RNF213: variants seen among roughly 807,000 people sequenced by gnomAD.
RNF213 encodes the protein ring finger protein 213, also known as E3 ubiquitin-protein ligase RNF213.
Under a neutral mutation model 514.4 loss-of-function variants are expected in RNF213, and 341 were observed. The observed-to-expected ratio is 0.66, with a 90% CI of 0.61 to 0.73. RNF213 has a LOEUF of 0.73. Ranked by LOEUF, RNF213 falls within the 30% of genes least tolerant of loss-of-function variation. The pLI is 0.00. For missense variants in RNF213, 5,767 were observed against 6,615.6 expected (o/e 0.87, Z 4.45); for synonymous variants, 2,655 against 2,658.2 (o/e 1.00, Z 0.04).
chr17:80,350,038 T>C (rs2078449793), intron 30 of RNF213, 132 bp downstream of exon 30: 4 of 1,059,068 alleles, frequency 3.8e-6, no homozygotes. Context: ...CCTTGTTAAA[T>C]CTCTCCCAGC....
Position 80,327,950 on chromosome 17 carries a change from A to G in RNF213, c.3328A>G (p.Ile1110Val). ...TILVGQLELI[I>V]KHKNQFLDIW... ...TTTAGTTGGACAACTGGAGCTGATT[A>G]TAAAGCACAAGAATCAGTTTCTTGA... Residue 1110 changes from isoleucine to valine, a missense_variant, in exon 19 of 68, where the codon ATA becomes GTA. Transcript: ENST00000582970. 2.0e-6 allele frequency: 3 copies of G among 1,537,294 alleles called. No homozygotes were observed. The highest frequency in any genetic ancestry group is 2.6e-6 in the Non-Finnish European group (3 of 1,146,918).
intron 52 of RNF213, 88 bp downstream of exon 52, chr17:80,376,631 TC>T (rs1157489627): frequency 2.2e-5 from 35 of 1,563,702 alleles, no homozygotes; most frequent in Non-Finnish European, 3.1e-5. Flanking sequence ...CTGTGGGAAC[TC>T]TTGAGCATCT....
chr17:80,363,540 CA>C (rs1226006394), intron 40 of RNF213, 68 bp from the exon 41 acceptor site: 16 of 1,556,350 alleles, frequency 1.0e-5, no homozygotes, highest in Non-Finnish European at 1.4e-5. Flanking sequence ...ATGCAGCTAA[CA>C]GCCGGGGCCT....
chr17:80,366,150 C>T (rs2079262531), intron 42 of RNF213, among the ~76,000 whole-genome samples: 1 of 152,232 alleles, frequency 6.6e-6, no homozygotes, highest in African/African-American at 2.4e-5. Flanking sequence ...CTGCCTTCCG[C>T]CGTGAGGCTG....
intron 29 of RNF213, among the ~76,000 whole-genome samples, chr17:80,349,513 C>T (rs998797815): frequency 8.5e-5 from 13 of 152,138 alleles, no homozygotes; most frequent in African/African-American, 2.4e-4. Flanking sequence ...GGCAGAGACA[C>T]GGGCCTCTGG....
intron 3 of RNF213, among the ~76,000 whole-genome samples, chr17:80,277,977 G>T (rs1188372773): frequency 6.6e-6 from 1 of 152,230 alleles, no homozygotes; most frequent in Non-Finnish European, 1.5e-5. Flanking sequence ...GCCCGCGCCT[G>T]TCCCTTGGCA....
chr17:80,319,666 T>C lies in RNF213; in HGVS notation c.3024+354T>C, dbSNP rs1177255889. 8 of 1,470,720 alleles carry C rather than the reference T, an allele frequency of 5.4e-6. No individual in the cohort carries two copies. The East Asian group carries it at 1.7e-4, about 32-fold the overall frequency. The allele number at this position is 1,470,720 out of a possible 1,614,324, so 91.1% of individuals were successfully genotyped here. On this transcript the variant is annotated intron_variant, in intron 17 of 67. Transcript: ENST00000582970. ...TGATTGTTAACACTTGCTCAGTAGG[T>C]GTGCGGGAAGAGACTCCAAAGGTTG...
intron 5 of RNF213, among the ~76,000 whole-genome samples, chr17:80,289,266 C>G (rs551105333): frequency 6.6e-6 from 1 of 152,290 alleles, no homozygotes; most frequent in African/African-American, 2.4e-5. Context: ...ACATTCTGGC[C>G]GCTGTAAGAA....
chr17:80,357,526 A>G (rs2078877851), intron 36 of RNF213, among the ~76,000 whole-genome samples: 1 of 152,090 alleles, frequency 6.6e-6, no homozygotes, highest in African/African-American at 2.4e-5. Context: ...GGACAAATTC[A>G]TTTTGGTCTC....
intron 25 of RNF213, 107 bp from the exon 26 acceptor site, chr17:80,339,094 C>G: frequency 1.1e-6 from 1 of 894,544 alleles, no homozygotes; most frequent in African/African-American, 1.7e-5. Flanking sequence ...TGCAGTGGGC[C>G]TGTGGACAGG....
At position 80,351,918 on chromosome 17, in the gene RNF213, G is replaced by A. The variant is rs143362943; in HGVS notation, c.10303+115G>A. 1,767 of 635,766 alleles carry A rather than the reference G, an allele frequency of 2.8e-3. 4 individuals are homozygous for A. The highest frequency in any genetic ancestry group is 3.4e-3 in the Non-Finnish European group (1,192 of 349,300). 39.4% of individuals were successfully genotyped at this position (635,766 alleles called of 1,614,324 possible). The stretch of plus-strand genomic sequence containing the variant: ...TCACCAGGCTGGAGTGCAGTGGCGC[G>A]ATCTCAGCTCACTACAACCTCAATC... On this transcript the variant is annotated intron_variant, in intron 32 of 67. Transcript: ENST00000582970.
rs774027708 is a variant in RNF213, at chr17:80,372,692, G to A, written c.12709G>A (p.Asp4237Asn). The part of the protein sequence containing the change: ...QEVARIRLCL[D>N]RAADFLSEPE... ...GGTGGCCCGGATCCGCCTCTGCCTCGACAGAGCTGCAGATTTCCTCTCGGA... is the reference window on the plus strand; with the variant it reads ...GGTGGCCCGGATCCGCCTCTGCCTCAACAGAGCTGCAGATTTCCTCTCGGA... The change falls in exon 48 of 68, where the codon GAC (aspartate) becomes AAC (asparagine). Residue 4237 changes from aspartate (D) to asparagine (N), a missense_variant. By Grantham distance (23) the Asp-to-Asn change is conservative. Coordinates refer to ENST00000582970, the MANE Select transcript of RNF213 (RefSeq NM_001256071.3). 2.1e-5 allele frequency: 34 copies of A among 1,613,824 alleles called. No individual in the cohort carries two copies. The highest frequency in any genetic ancestry group is 2.7e-5 in the African/African-American group (2 of 74,918).
chr17:80,381,867 C>G (rs951921755), intron 57 of RNF213, 140 bp downstream of exon 57: 2 of 853,482 alleles, frequency 2.3e-6, no homozygotes, highest in Non-Finnish European at 1.9e-6. Context: ...AGAGAACACA[C>G]AGAGAGAAAA....
intron 17 of RNF213, chr17:80,319,643 ATTG>A: frequency 1.3e-6 from 2 of 1,508,602 alleles, no homozygotes; most frequent in Non-Finnish European, 1.8e-6. Flanking sequence ...GGTTTGATTG[ATTG>A]TTAACACTTG....
chr17:80,293,868 G>A (rs1395395168), intron 8 of RNF213, among the ~76,000 whole-genome samples: 1 of 151,862 alleles, frequency 6.6e-6, no homozygotes, highest in East Asian at 1.9e-4. Context: ...CCTGGAGGTC[G>A]GCAGAAGCTT....
In RNF213 at chr17:80,347,757, G is replaced by C; in HGVS notation, c.9422G>C (p.Arg3141Pro). 1 of 1,614,152 alleles carries C rather than the reference G, an allele frequency of 6.2e-7. No homozygotes were observed. The highest frequency in any genetic ancestry group is 8.5e-7 in the Non-Finnish European group (1 of 1,180,040). Residue 3141 changes from arginine to proline, a missense_variant, in exon 29 of 68, where the codon CGG becomes CCG. Transcript: ENST00000582970. This position sits in a 1 kb window ranked among gnomAD's most constrained non-coding sequence, Gnocchi z 7.2. Reference protein sequence around the residue: ...LGLGTHRVKCRVHPNFRLIVI... With the variant: ...LGLGTHRVKCPVHPNFRLIVI... ...CTGGGGACCCACCGCGTCAAATGTC[G>C]GGTTCACCCCAACTTCCGCCTGATT...
At chr17:80,364,611 A>T in intron 42 of RNF213, 58 bp downstream of exon 42, 1 of 1,609,456 alleles carries the variant, frequency 6.2e-7, no homozygotes, top group South Asian at 1.1e-5. Flanking sequence ...CGAAAGGAAG[A>T]ACAGCACTGA....
chr17:80,281,455 C>G (rs987466351), intron 3 of RNF213, among the ~76,000 whole-genome samples: 8 of 90,984 alleles, frequency 8.8e-5, no homozygotes. Flanking sequence ...GCAACATACA[C>G]CCCACTCACA....
intron 6 of RNF213, 144 bp from the exon 7 acceptor site, chr17:80,290,426 T>C (rs201125428): frequency 8.2e-6 from 7 of 853,748 alleles, no homozygotes; most frequent in South Asian, 3.0e-5. Flanking sequence ...TGTGTGCGAG[T>C]GTGCGCGTGT....
Sources: allele counts gnomAD v4.1 joint callset (sites outside exome capture counted in the v4.1 genomes callset), GRCh38; gene constraint gnomAD v4.1.1; non-coding constraint Gnocchi (gnomAD v3.1); transcripts MANE v1.5; gene names NCBI Gene and HGNC (gene_info 2026-07-23, HGNC 2026-07-21).